The following NTM variants were observed in gnomAD, a reference collection of about 807,000 sequenced individuals.
NTM encodes IgLON family member 2.
In NTM, 13 loss-of-function variants were observed where a neutral mutation model predicts 42.1. The observed-to-expected ratio is 0.31, with a 90% confidence interval of 0.20 to 0.49. The LOEUF is 0.49. Among genes scored for constraint, NTM ranks in the 20% least tolerant of loss-of-function variants. NTM has a pLI of 0.99. For missense variants in NTM, 373 were observed against 452.8 expected (o/e 0.82, Z 1.60); for synonymous variants, 187 against 179.2 (o/e 1.04, Z -0.35).
intron 2 of NTM, among the ~76,000 whole-genome samples, chr11:132,071,194 G>A (rs548866693): frequency 7.2e-6 from 1 of 139,742 alleles, no homozygotes; most frequent in South Asian, 2.6e-4. Flanking sequence ...ACGTCACACA[G>A]CCAAGTTAAC....
intron 1 of NTM, among the ~76,000 whole-genome samples, chr11:131,679,553 C>T (rs1283905038): frequency 5.9e-5 from 9 of 151,912 alleles, no homozygotes; most frequent in South Asian, 2.1e-4. Flanking sequence ...CAGCTTTCAG[C>T]GGTGCCTTTC....
intron 1 of NTM, among the ~76,000 whole-genome samples, chr11:131,572,173 C>A (rs564288117): frequency 1.3e-5 from 2 of 152,252 alleles, no homozygotes; most frequent in Admixed American, 1.3e-4. Context: ...CACAGGGCAG[C>A]CTTTCTCTTT....
At chr11:132,008,783 G>A (rs77001395) in intron 2 of NTM, among the ~76,000 whole-genome samples, 12,984 of 150,654 alleles carry the variant, frequency 0.086, 728 homozygotes, top group Non-Finnish European at 0.13. Context: ...TTATCTGACC[G>A]TTTGATTTCA....
chr11:131,670,655 G>T (rs55763125), intron 1 of NTM, among the ~76,000 whole-genome samples: 2,239 of 152,250 alleles, frequency 0.015, 57 homozygotes, highest in African/African-American at 0.052. Context: ...AGGCTAGGAG[G>T]CCTGACAGTC....
intron 1 of NTM, among the ~76,000 whole-genome samples, chr11:131,774,513 C>A (rs2086650543): frequency 6.6e-6 from 1 of 152,114 alleles, no homozygotes; most frequent in Non-Finnish European, 1.5e-5. Context: ...ATCATTCCAC[C>A]TAGGTCAATT....
intron 2 of NTM, among the ~76,000 whole-genome samples, chr11:132,059,922 C>T (rs957303132): frequency 6.6e-6 from 1 of 152,174 alleles, no homozygotes; most frequent in African/African-American, 2.4e-5. Flanking sequence ...AATGGGTTCT[C>T]TGGAGTCCCT....
chr11:132,128,996 G>A (rs1009539982), intron 2 of NTM, among the ~76,000 whole-genome samples: 11 of 144,392 alleles, frequency 7.6e-5, no homozygotes, highest in Admixed American at 2.1e-4. Context: ...AATCACTATC[G>A]ACAGTGTAGA....
At chr11:132,183,226 T>C (rs1417240417) in intron 3 of NTM, among the ~76,000 whole-genome samples, 1 of 152,192 alleles carries the variant, frequency 6.6e-6, no homozygotes, top group East Asian at 1.9e-4. Context: ...ACATTTGTAA[T>C]GACTCTTCAA....
At chr11:132,204,323 A>T (rs534769197) in intron 3 of NTM, among the ~76,000 whole-genome samples, 73 of 152,370 alleles carry the variant, frequency 4.8e-4, no homozygotes, top group African/African-American at 1.7e-3. Flanking sequence ...TTGCATTTGC[A>T]TACAGCCTTG....
chr11:131,833,828 T>C (rs2043134979), intron 1 of NTM, among the ~76,000 whole-genome samples: 1 of 152,216 alleles, frequency 6.6e-6, no homozygotes, highest in Non-Finnish European at 1.5e-5. Flanking sequence ...GAAAGGTAAC[T>C]TCCTTTTTCT....
chr11:132,221,377 G>GT (rs2085131013), intron 4 of NTM, among the ~76,000 whole-genome samples: 1 of 152,180 alleles, frequency 6.6e-6, no homozygotes, highest in African/African-American at 2.4e-5. Flanking sequence ...AACTTAATAT[G>GT]TTTTTCCATT....
chr11:131,646,448 A>G (rs2065783663), intron 1 of NTM, among the ~76,000 whole-genome samples: 1 of 152,168 alleles, frequency 6.6e-6, no homozygotes, highest in Admixed American at 6.5e-5. Context: ...TTTCTCTTCT[A>G]CTAGTATCAG....
At position 132,317,641 on chromosome 11, in the gene NTM, C is replaced by T. The variant is rs182669327; in HGVS notation, c.934+2938C>T. 4 of 1,301,036 alleles carry T rather than the reference C, an allele frequency of 3.1e-6. No individual in the cohort carries two copies. The Admixed American group carries it at 9.2e-5, about 30-fold the overall frequency. 80.6% of individuals were successfully genotyped at this position (1,301,036 alleles called of 1,614,324 possible). A position where few individuals can be genotyped will look rare whatever the true frequency, so the allele number is the denominator to read the frequency against. ...TCTCATTTTTCTCTCCTGTGTGTCC[C>T]TCAACCGATTTAGAACTAAATGAGC... On this transcript the variant is annotated intron_variant, in intron 7 of 8. Coordinates refer to ENST00000683400, the MANE Select transcript of NTM (RefSeq NM_001352005.2).
At chr11:131,952,591 A>C (rs2134375298) in intron 2 of NTM, among the ~76,000 whole-genome samples, 1 of 152,284 alleles carries the variant, frequency 6.6e-6, no homozygotes, top group Admixed American at 6.5e-5. Flanking sequence ...GCTTGTGAAA[A>C]TGTTTCTATC....
chr11:131,977,175 A>T (rs746766269), intron 2 of NTM, among the ~76,000 whole-genome samples: 21 of 152,106 alleles, frequency 1.4e-4, no homozygotes, highest in Non-Finnish European at 2.8e-4. Context: ...CCCACTCACC[A>T]GTGCCATTTG....
intron 1 of NTM, among the ~76,000 whole-genome samples, chr11:131,717,082 C>A (rs1405559578): frequency 2.6e-5 from 4 of 152,146 alleles, no homozygotes; most frequent in African/African-American, 7.2e-5. Flanking sequence ...TTCAAGCAAT[C>A]CTCCTGTCTC....
rs114179693 is a variant in NTM, at chr11:131,903,792, T to C, written c.83-7772T>C. 3.4e-3 allele frequency among the ~76,000 whole-genome samples: 514 copies of C among 152,302 alleles called. 2 individuals are homozygous for C. The highest frequency in any genetic ancestry group is 0.012 in the African/African-American group (484 of 41,566). On this transcript the variant is annotated intron_variant, in intron 1 of 8. Coordinates refer to ENST00000683400, the MANE Select transcript of NTM (RefSeq NM_001352005.2). ...TCCAGTGAGCTGGTAAGGGGCAGAC[T>C]TAGGGCTGGAATTCCAGACCCTGGA...
At chr11:132,309,664 T>C (rs2095218174) in intron 5 of NTM, among the ~76,000 whole-genome samples, 1 of 152,232 alleles carries the variant, frequency 6.6e-6, no homozygotes, top group African/African-American at 2.4e-5. Flanking sequence ...AAAAAGGTTT[T>C]TATTCTCTGG....
chr11:131,545,485 TATTC>T (rs2053808485), intron 1 of NTM, among the ~76,000 whole-genome samples: 1 of 152,140 alleles, frequency 6.6e-6, no homozygotes, highest in Non-Finnish European at 1.5e-5. Flanking sequence ...TGTATGGATT[TATTC>T]ATCCATACAT....
Sources: gnomAD v4.1 joint callset for allele counts (sites outside exome capture counted in the v4.1 genomes callset) on GRCh38, gnomAD v4.1.1 for gene constraint, MANE v1.5 for transcripts, NCBI Gene and HGNC (gene_info 2026-07-23, HGNC 2026-07-21) for gene names.